SLCO2A1: variants seen among roughly 807,000 people sequenced by gnomAD.
SLCO2A1 encodes the protein solute carrier organic anion transporter family member 2A1, also known as matrin F/G 1.
Under a neutral mutation model 71.7 loss-of-function variants are expected in SLCO2A1, and 60 were observed. The observed-to-expected ratio is 0.84, with a 90% confidence interval of 0.68 to 1.04. SLCO2A1 has a LOEUF of 1.04. Ranked by LOEUF, SLCO2A1 falls within the 50% of genes least tolerant of loss-of-function variation. The probability of loss-of-function intolerance (pLI) is 0.00; values close to 1 mark genes in which losing one functional copy is unlikely to be tolerated. For synonymous variants in SLCO2A1, 308 were observed against 326.7 expected (o/e 0.94, Z 0.62); for missense variants, 745 against 813.4 (o/e 0.92, Z 1.02).
chr3:134,009,262 T>G (rs1272866794), intron 1 of SLCO2A1, among the ~76,000 whole-genome samples: 1 of 152,222 alleles, frequency 6.6e-6, no homozygotes, highest in Non-Finnish European at 1.5e-5. Flanking sequence ...GCCCTTCAAG[T>G]CTTCCTTCTC....
intron 3 of SLCO2A1, among the ~76,000 whole-genome samples, chr3:133,972,020 A>C (rs1667857969): frequency 6.6e-6 from 1 of 152,214 alleles, no homozygotes; most frequent in South Asian, 2.1e-4. Flanking sequence ...AACAAGAGCA[A>C]GCAGACATAA....
intron 1 of SLCO2A1, among the ~76,000 whole-genome samples, chr3:134,000,878 C>T (rs1935091501): frequency 6.6e-6 from 1 of 152,208 alleles, no homozygotes; most frequent in Non-Finnish European, 1.5e-5. Context: ...AGCTTTGTGC[C>T]TTGTTAAACT....
At chr3:133,945,456 A>G (rs1216749370) in intron 9 of SLCO2A1, among the ~76,000 whole-genome samples, 196 bp from the exon 10 acceptor site, 1 of 152,134 alleles carries the variant, frequency 6.6e-6, no homozygotes, top group Non-Finnish European at 1.5e-5. Context: ...TGGTCACGGC[A>G]TCTCTCCATT....
intron 1 of SLCO2A1, among the ~76,000 whole-genome samples, chr3:134,018,871 C>T (rs901342124): frequency 4.6e-5 from 7 of 151,034 alleles, no homozygotes; most frequent in Non-Finnish European, 7.4e-5. Flanking sequence ...TTCCTGTAAG[C>T]TAGAGGCAAC....
intron 3 of SLCO2A1, among the ~76,000 whole-genome samples, chr3:133,957,484 C>T (rs189494267): frequency 6.6e-6 from 1 of 152,220 alleles, no homozygotes. Context: ...AGCTGGGATC[C>T]GAACCTGCAT....
intron 1 of SLCO2A1, among the ~76,000 whole-genome samples, chr3:134,002,332 C>G (rs1031201932): frequency 3.3e-5 from 5 of 152,210 alleles, no homozygotes; most frequent in African/African-American, 7.2e-5. Context: ...GACTGAGGTT[C>G]ACAGCCCTCA....
intron 13 of SLCO2A1, among the ~76,000 whole-genome samples, chr3:133,935,528 C>A (rs1933246578): frequency 6.6e-6 from 1 of 152,150 alleles, no homozygotes; most frequent in South Asian, 2.1e-4. Context: ...TCAGGGAAGT[C>A]CCTGGGTCTG....
Position 133,937,362 on chromosome 3 carries a change from G to T in SLCO2A1, c.1690+1067C>A, listed in dbSNP as rs555153576. Among the ~76,000 whole-genome samples the T allele has an allele frequency of 4.3e-4, 65 of 152,344 alleles. 2 individuals carry two copies. In the South Asian group the frequency reaches 0.012, roughly 29 times the overall value. ...AATGCAGGCAGCAGGAGCAGGGTCT[G>T]AAGGGGCTCTGCAGGGACTAGAGGA... is the stretch of plus-strand genomic sequence containing the variant. On this transcript the variant is annotated intron_variant, in intron 12 of 13. Transcript: ENST00000310926.
At chr3:133,991,906 A>G (rs1483122506) in intron 1 of SLCO2A1, among the ~76,000 whole-genome samples, 2 of 152,242 alleles carry the variant, frequency 1.3e-5, no homozygotes, top group Non-Finnish European at 2.9e-5. Context: ...TCTGAGGCCT[A>G]TGAGAACAGC....
chr3:133,958,772 A>AAGTGGG (rs1239484216), intron 3 of SLCO2A1, among the ~76,000 whole-genome samples: 1 of 152,224 alleles, frequency 6.6e-6, no homozygotes, highest in African/African-American at 2.4e-5. Flanking sequence ...CTACATTTCC[A>AAGTGGG]AGTGGGTATT....
At chr3:134,029,671 G>A in intron 1 of SLCO2A1, 36 bp downstream of exon 1, 2 of 1,518,742 alleles carry the variant, frequency 1.3e-6, no homozygotes, top group Non-Finnish European at 8.9e-7. Context: ...CGCCAGGCGC[G>A]GCTCCGGCCC....
At chr3:133,954,051 G>C (rs896048181) in intron 4 of SLCO2A1, among the ~76,000 whole-genome samples, 1 of 152,002 alleles carries the variant, frequency 6.6e-6, no homozygotes, top group Non-Finnish European at 1.5e-5. Context: ...CTGTGGGTAC[G>C]ATGCTGGGGG....
At chr3:133,987,798 C>T (rs1934751131) in intron 1 of SLCO2A1, among the ~76,000 whole-genome samples, 1 of 152,166 alleles carries the variant, frequency 6.6e-6, no homozygotes, top group Admixed American at 6.5e-5. Flanking sequence ...TGGAGGAAAA[C>T]CATTCAGGGC....
At chr3:133,976,080 G>A (rs892276695) in intron 2 of SLCO2A1, among the ~76,000 whole-genome samples, 1 of 152,208 alleles carries the variant, frequency 6.6e-6, no homozygotes, top group Non-Finnish European at 1.5e-5. Flanking sequence ...ACAAATGAAT[G>A]AATGAGTAAA....
chr3:133,943,137 G>A (rs1933474188), intron 10 of SLCO2A1, among the ~76,000 whole-genome samples: 1 of 152,184 alleles, frequency 6.6e-6, no homozygotes, highest in East Asian at 1.9e-4. Context: ...TGTTGTTTTT[G>A]CTGTTTGTGT....
Position 133,942,669 on chromosome 3 carries a change from G to A in SLCO2A1, c.1561C>T (p.Leu521Phe). 6 of 1,613,984 alleles carry A rather than the reference G, an allele frequency of 3.7e-6. No individual in the cohort carries two copies. Among genetic ancestry groups the A allele is most frequent in the South Asian group, 1.1e-5 (1 of 91,040 alleles). Residue 521 changes from leucine (L) to phenylalanine (F), a missense_variant, in exon 11 of 14, where the codon CTC (leucine) becomes TTC (phenylalanine). Coordinates refer to ENST00000310926, the MANE Select transcript of SLCO2A1 (RefSeq NM_005630.3). ...GCTATCAGGGACACGAAGGAGATGA[G>A]GAAGATGGCCGGGAGCAGGAAGTGG... ...CAHFLLPAIF[L>F]ISFVSLIACI...
intron 3 of SLCO2A1, among the ~76,000 whole-genome samples, chr3:133,958,538 A>C (rs1158654860): frequency 6.6e-6 from 1 of 152,196 alleles, no homozygotes; most frequent in Non-Finnish European, 1.5e-5. Context: ...CCAAATAGGC[A>C]TGTAGGGGAA....
In SLCO2A1 at chr3:133,933,494, T is replaced by C. The variant is rs1933191597; in HGVS notation, c.*1219A>G. ...TCCAATAAATATATTTGTTGATGAATGACCTCCTTCGTTGGCTTCTGTCTC... is the reference window on the plus strand; with the variant it reads ...TCCAATAAATATATTTGTTGATGAACGACCTCCTTCGTTGGCTTCTGTCTC... On this transcript the variant is annotated 3_prime_UTR_variant, in exon 14 of 14. Coordinates refer to ENST00000310926, the MANE Select transcript of SLCO2A1 (RefSeq NM_005630.3). 1 of 152,296 alleles carries C rather than the reference T, an allele frequency of 6.6e-6. No individual in the cohort carries two copies. The highest frequency in any genetic ancestry group is 1.5e-5 in the Non-Finnish European group (1 of 68,068). 9.4% of individuals were successfully genotyped at this position (152,296 alleles called of 1,614,324 possible).
chr3:133,945,093 A>G lies in SLCO2A1; in HGVS notation c.1461+2T>C. 1.2e-6 allele frequency: 2 copies of G among 1,611,100 alleles called. No individual in the cohort carries two copies. The highest frequency in any genetic ancestry group is 1.7e-6 in the Non-Finnish European group (2 of 1,178,670). Reference sequence around the variant, plus strand: ...TTGCCTCTGGACCCTGGCTGCCCTTACCAGTTGCTTGGAGGTTGCAGAGCT... The same window carrying G: ...TTGCCTCTGGACCCTGGCTGCCCTTGCCAGTTGCTTGGAGGTTGCAGAGCT... On this transcript the variant is annotated splice_donor_variant, in intron 10 of 13. Transcript: ENST00000310926. LOFTEE classifies it high-confidence loss of function.
Sources: allele counts gnomAD v4.1 joint callset (sites outside exome capture counted in the v4.1 genomes callset), GRCh38; gene constraint gnomAD v4.1.1; transcripts MANE v1.5; gene names NCBI Gene and HGNC (gene_info 2026-07-23, HGNC 2026-07-21).